Variants in JMY observed in about 807,000 individuals in gnomAD.
The protein encoded by JMY is junction mediating and regulatory protein, p53 cofactor, also known as junction-mediating and -regulatory protein.
Under a neutral mutation model 103.3 loss-of-function variants are expected in JMY, and 46 were observed. That is an observed-to-expected ratio of 0.45 (90% confidence interval 0.35 to 0.57). The LOEUF is 0.57. JMY is among the 20% of genes least tolerant of loss of function. The pLI, the probability that JMY is intolerant of heterozygous loss-of-function variation, is 0.00. For synonymous variants in JMY, 526 were observed against 489.3 expected, an observed-to-expected ratio of 1.07 and a Z score of -0.99; for missense variants, 1,238 against 1,255.2, an observed-to-expected ratio of 0.99 and a Z score of 0.21.
intron 1 of JMY, among the ~76,000 whole-genome samples, chr5:79,251,645 T>G (rs1014735955): frequency 1.3e-5 from 2 of 151,806 alleles, no homozygotes; most frequent in African/African-American, 4.8e-5. Flanking sequence ...TTTTTACCCA[T>G]TAGCCGCCCC....
intron 10 of JMY, among the ~76,000 whole-genome samples, chr5:79,318,023 A>G (rs1747293781): frequency 6.6e-6 from 1 of 152,212 alleles, no homozygotes; most frequent in African/African-American, 2.4e-5. Context: ...TCTTTTTTTG[A>G]CAGGGTTTCA....
intron 1 of JMY, among the ~76,000 whole-genome samples, chr5:79,270,379 A>G (rs796432750): frequency 5.3e-4 from 45 of 85,364 alleles, no homozygotes; most frequent in Non-Finnish European, 9.5e-4. Flanking sequence ...ATTTACATAA[A>G]TATTTACATA....
At chr5:79,303,078 G>A (rs1314601553) in intron 6 of JMY, among the ~76,000 whole-genome samples, 1 of 152,146 alleles carries the variant, frequency 6.6e-6, no homozygotes, top group African/African-American at 2.4e-5. Flanking sequence ...CATATGGGTG[G>A]GAGGTGATAA....
Position 79,300,259 on chromosome 5 carries a change from T to G in JMY, c.1634T>G (p.Leu545Trp). 1 of 1,602,274 alleles carries G rather than the reference T, an allele frequency of 6.2e-7. No individual in the cohort carries two copies. The highest frequency in any genetic ancestry group is 8.5e-7 in the Non-Finnish European group (1 of 1,175,656). ...LQLYEVQFEI[L>W]KCEELLLTAQ... Reference sequence around the variant, plus strand: ...TTGTATGAAGTACAGTTTGAAATCTTGAAGTGTGAAGAGTTACTATTGACA... The same window carrying G: ...TTGTATGAAGTACAGTTTGAAATCTGGAAGTGTGAAGAGTTACTATTGACA... Residue 545 changes from leucine to tryptophan, a missense_variant, in exon 5 of 11, where the codon TTG becomes TGG. By Grantham distance (61) the Leu-to-Trp change is moderately conservative. Coordinates refer to ENST00000396137, the MANE Select transcript of JMY (RefSeq NM_152405.5).
intron 1 of JMY, among the ~76,000 whole-genome samples, chr5:79,249,862 T>C (rs1001530608): frequency 1.3e-5 from 2 of 152,144 alleles, no homozygotes; most frequent in African/African-American, 4.8e-5. Context: ...GTTCCAGAGT[T>C]TGAGTTAGGC....
chr5:79,283,720 A>C (rs1241650205), intron 2 of JMY, among the ~76,000 whole-genome samples: 6 of 151,978 alleles, frequency 3.9e-5, no homozygotes, highest in Non-Finnish European at 8.8e-5. Flanking sequence ...CTCTACTGAA[A>C]CTCTAGGAAT....
Position 79,300,165 on chromosome 5 carries a change from C to A in JMY, c.1540C>A (p.Arg514=). The part of the protein sequence containing the change: ...HALKEEMQSL[R]GGTEAIARLD... Reference sequence around the variant, plus strand: ...ATTTTCAATGCAGATGCAGAGTTTGCGGGGTGGTACAGAAGCGATAGCACG... The same window carrying A: ...ATTTTCAATGCAGATGCAGAGTTTGAGGGGTGGTACAGAAGCGATAGCACG... The change falls in exon 5 of 11, where the codon CGG becomes AGG. Residue 514 remains arginine (R), a synonymous_variant. Transcript: ENST00000396137. 3.7e-6 allele frequency: 6 copies of A among 1,612,014 alleles called. No homozygotes were observed. In the South Asian group the frequency reaches 5.5e-5, roughly 15 times the overall value.
Position 79,284,191 on chromosome 5 carries a change from T to C in JMY, c.1207-5930T>C. 7 of 1,561,708 alleles carry C rather than the reference T, an allele frequency of 4.5e-6. No homozygotes were observed. In the South Asian group the frequency reaches 7.8e-5, roughly 17 times the overall value. The stretch of plus-strand genomic sequence containing the variant: ...TCAGCTCGTTCAACTTTAGCACCTC[T>C]CTCGTCCCCAGTGGCTTTTCCAGAA... On this transcript the variant is annotated intron_variant, in intron 2 of 10. Transcript: ENST00000396137.
chr5:79,295,056 T>C (rs1385346129), intron 4 of JMY, among the ~76,000 whole-genome samples: 1 of 152,210 alleles, frequency 6.6e-6, no homozygotes, highest in Non-Finnish European at 1.5e-5. Context: ...TATGATTAAC[T>C]AAGGTTATAT....
At chr5:79,238,943 G>A (rs530670799) in intron 1 of JMY, among the ~76,000 whole-genome samples, 1 of 152,244 alleles carries the variant, frequency 6.6e-6, no homozygotes, top group East Asian at 1.9e-4. Flanking sequence ...GATTACAGGC[G>A]TGAGCCACTG....
chr5:79,314,013 C>T (rs1348042888), intron 8 of JMY, among the ~76,000 whole-genome samples: 1 of 152,164 alleles, frequency 6.6e-6, no homozygotes, highest in Admixed American at 6.5e-5. Context: ...TGCCTGCCAC[C>T]ACACCCAGCT....
chr5:79,236,743 T>C lies in JMY; in HGVS notation c.93T>C (p.Phe31=). ...FDEREKHKFV[F]IVAWNEIEGK... is the part of the protein sequence containing the mutation. The stretch of plus-strand genomic sequence containing the variant: ...AGCGCGAGAAACACAAATTCGTCTT[T>C]ATTGTGGCCTGGAACGAGATTGAGG... Residue 31 remains phenylalanine, a synonymous_variant, in exon 1 of 11, where the codon TTT becomes TTC. Coordinates refer to ENST00000396137, the MANE Select transcript of JMY (RefSeq NM_152405.5). 1 of 1,507,488 alleles carries C rather than the reference T, an allele frequency of 6.6e-7. No individual in the cohort carries two copies. Among genetic ancestry groups the C allele is most frequent in the Non-Finnish European group, 8.9e-7 (1 of 1,125,980 alleles). 93.4% of individuals were successfully genotyped at this position (1,507,488 alleles called of 1,614,324 possible). A position where few individuals can be genotyped will look rare whatever the true frequency, so the allele number is the denominator to read the frequency against.
At chr5:79,292,740 G>T (rs545955492) in intron 4 of JMY, among the ~76,000 whole-genome samples, 1 of 152,284 alleles carries the variant, frequency 6.6e-6, no homozygotes, top group South Asian at 2.1e-4. Context: ...AGTTGGTCTA[G>T]AGTAGTAGAG....
At position 79,325,056 on chromosome 5, in the gene JMY, A is replaced by AAAACT. The variant is rs1408061680; in HGVS notation, c.*3457_*3461dup. 1.3e-5 allele frequency: 2 copies of AAAACT among 152,596 alleles called. No homozygotes were observed. Among genetic ancestry groups the AAAACT allele is most frequent in the East Asian group, 3.8e-4 (2 of 5,200 alleles). 9.5% of individuals were successfully genotyped at this position (152,596 alleles called of 1,614,324 possible). ...TTAAAACTCTTAAATCAGTGAAACA[A>AAAACT]AAACTAATGGGCAGCATTCTCTCTG... On this transcript the variant is annotated 3_prime_UTR_variant, in exon 11 of 11. Transcript: ENST00000396137.
chr5:79,245,851 C>G (rs1349468454), intron 1 of JMY, among the ~76,000 whole-genome samples: 2 of 152,114 alleles, frequency 1.3e-5, no homozygotes, highest in African/African-American at 4.8e-5. Context: ...GTCTTGAACT[C>G]CTAAACTCAG....
intron 2 of JMY, among the ~76,000 whole-genome samples, chr5:79,280,570 C>G (rs1296300040): frequency 6.6e-6 from 1 of 152,062 alleles, no homozygotes; most frequent in East Asian, 1.9e-4. Context: ...TTCTTTTATT[C>G]TTGATCCTAC....
At chr5:79,307,922 A>G (rs1318835347) in intron 7 of JMY, among the ~76,000 whole-genome samples, 1 of 152,064 alleles carries the variant, frequency 6.6e-6, no homozygotes, top group African/African-American at 2.4e-5. Flanking sequence ...TTTTTAGTAG[A>G]GATGGGGTTT....
At chr5:79,286,444 C>T (rs1439774586) in intron 2 of JMY, among the ~76,000 whole-genome samples, 2 of 152,072 alleles carry the variant, frequency 1.3e-5, no homozygotes, top group Admixed American at 6.6e-5. Flanking sequence ...AGTTCAAGAC[C>T]AGCCTGGCCA....
rs1259301253 is a variant in JMY, at chr5:79,310,698, A to G, written c.1969-1705A>G. On this transcript the variant is annotated intron_variant, in intron 7 of 10. Coordinates refer to ENST00000396137, the MANE Select transcript of JMY (RefSeq NM_152405.5). ...CTAAGGAAGTTTATTTTAATATTTG[A>G]TAGTAAACTCTCTAAAACAAAATAT... Among the ~76,000 whole-genome samples, 3 of 152,338 alleles carry G rather than the reference A, an allele frequency of 2.0e-5. No individual in the cohort carries two copies. The East Asian group carries it at 5.8e-4, about 29-fold the overall frequency.
Sources: allele counts gnomAD v4.1 joint callset (sites outside exome capture counted in the v4.1 genomes callset), GRCh38; gene constraint gnomAD v4.1.1; transcripts MANE v1.5; gene names NCBI Gene and HGNC (gene_info 2026-07-23, HGNC 2026-07-21).